The following POMK variants were observed in gnomAD, a reference collection of about 807,000 sequenced individuals.
POMK encodes the protein protein O-mannose kinase.
POMK carries 19 observed loss-of-function variants against 23.0 expected under a neutral mutation model. The ratio of observed to expected loss-of-function variants is 0.83; its 90% CI spans 0.58 to 1.21. POMK has a LOEUF of 1.21. Ranked by LOEUF, POMK falls within the 50% of genes most tolerant of loss-of-function variation. The pLI, the probability that POMK is intolerant of heterozygous loss-of-function variation, is 0.00. For synonymous variants in POMK, 173 were observed against 171.6 expected, an observed-to-expected ratio of 1.01 and a Z score of -0.06; for missense variants, 410 against 431.3, an observed-to-expected ratio of 0.95 and a Z score of 0.44.
intron 4 of POMK, among the ~76,000 whole-genome samples, chr8:43,107,866 A>G (rs1811575771): frequency 6.6e-6 from 1 of 151,838 alleles, no homozygotes; most frequent in Admixed American, 6.6e-5. Context: ...GTATTTTAGT[A>G]AAGACGGGGT....
intron 2 of POMK, among the ~76,000 whole-genome samples, chr8:43,101,906 C>G (rs1180326729): frequency 1.3e-5 from 2 of 152,160 alleles, no homozygotes; most frequent in Non-Finnish European, 1.5e-5. Context: ...CTTGTCCCAG[C>G]TCTGTATATG....
At chr8:43,103,014 A>T (rs1231599744) in intron 3 of POMK, among the ~76,000 whole-genome samples, 3 of 152,084 alleles carry the variant, frequency 2.0e-5, no homozygotes, top group African/African-American at 7.2e-5. Context: ...ACCTTTCATA[A>T]CTGCTGAAGA....
rs1811484332 is a variant in POMK, at chr8:43,103,535, C to T, written c.-14C>T. ...TTTCATTGTGTATTTTAGGAAATTG[C>T]AGAGGCCGTCAACATGGAAAAGCAG... On this transcript the variant is annotated 5_prime_UTR_variant, in exon 4 of 5. Transcript: ENST00000331373. The T allele has an allele frequency of 6.2e-7, 1 of 1,612,806 alleles. No homozygotes were observed. The highest frequency in any genetic ancestry group is 1.1e-5 in the South Asian group (1 of 91,044).
intron 1 of POMK, among the ~76,000 whole-genome samples, chr8:43,094,667 T>C (rs1192159016): frequency 6.6e-6 from 1 of 152,264 alleles, no homozygotes; most frequent in Admixed American, 6.5e-5. Context: ...TACTCTAAAC[T>C]GTATTGGATG....
intron 2 of POMK, among the ~76,000 whole-genome samples, chr8:43,102,089 C>A (rs1370417445): frequency 6.6e-6 from 1 of 152,186 alleles, no homozygotes; most frequent in Non-Finnish European, 1.5e-5. Flanking sequence ...TATCTTTGAA[C>A]CCCCATCACA....
chr8:43,103,767 C>G lies in POMK; in HGVS notation c.219C>G (p.Ser73=), dbSNP rs188920070. 1.1e-4 allele frequency: 178 copies of G among 1,614,216 alleles called. 1 individual carries two copies. Among genetic ancestry groups the G allele is most frequent in the Admixed American group, 3.5e-4 (21 of 60,030 alleles). Residue 73 remains serine (S), a synonymous_variant, in exon 4 of 5, where the codon TCC becomes TCG. Coordinates refer to ENST00000331373, the MANE Select transcript of POMK (RefSeq NM_032237.5). Reference sequence around the variant, plus strand: ...TGAAAAACTGCTCACCTTGGCTGTCCTGCGAGGAGCTGAGAACAGAAGTGA... The same window carrying G: ...TGAAAAACTGCTCACCTTGGCTGTCGTGCGAGGAGCTGAGAACAGAAGTGA... ...GQMKNCSPWL[S]CEELRTEVRQ...
At chr8:43,099,173 A>G (rs1237778952) in intron 2 of POMK, among the ~76,000 whole-genome samples, 4 of 151,934 alleles carry the variant, frequency 2.6e-5, no homozygotes, top group African/African-American at 9.7e-5. Flanking sequence ...CTGGTCTGGA[A>G]CTCCTAGGCT....
chr8:43,122,049 T>C, intron 4 of POMK, 58 bp from the exon 5 acceptor site: 1 of 1,516,482 alleles, frequency 6.6e-7, no homozygotes, highest in East Asian at 2.3e-5. Flanking sequence ...TTTGTTGTTC[T>C]TTGGTCACTA....
intron 4 of POMK, among the ~76,000 whole-genome samples, chr8:43,107,103 A>G (rs1811559207): frequency 6.6e-6 from 1 of 152,156 alleles, no homozygotes; most frequent in African/African-American, 2.4e-5. Flanking sequence ...AAGGTAAATA[A>G]TGAGTTTTAG....
At position 43,122,457 on chromosome 8, in the gene POMK, A is replaced by C. The variant is rs1011002628; in HGVS notation, c.633A>C (p.Thr211=). ...GCGACTCCAACGACCTGCCGAAGAC[A>C]CTGTCCCAGTATCTGCTAACAAGCA... ...VMCDSNDLPK[T]LSQYLLTSNF... Residue 211 remains threonine, a synonymous_variant, in exon 5 of 5, where the codon ACA becomes ACC. Coordinates refer to ENST00000331373, the MANE Select transcript of POMK (RefSeq NM_032237.5). 2 of 1,614,042 alleles carry C rather than the reference A, an allele frequency of 1.2e-6. No individual in the cohort carries two copies. Among genetic ancestry groups the C allele is most frequent in the African/African-American group, 2.7e-5 (2 of 74,936 alleles).
In POMK at chr8:43,103,474, TGAAAG is replaced by T. The variant is rs1359831823; in HGVS notation, c.-21-50_-21-46del. On this transcript the variant is annotated intron_variant, in intron 3 of 4. Coordinates refer to ENST00000331373, the MANE Select transcript of POMK (RefSeq NM_032237.5). ...AGGCATCAGAACACATTTTTGGAAATGAAAGGAAGTGAAAGCTGACTGTCATGACT... is the reference window on the plus strand; with the variant it reads ...AGGCATCAGAACACATTTTTGGAAATGAAGTGAAAGCTGACTGTCATGACT... 27 of 1,554,698 alleles carry T rather than the reference TGAAAG, an allele frequency of 1.7e-5. No individual in the cohort carries two copies. The Middle Eastern group carries it at 5.9e-4, about 34-fold the overall frequency.
intron 4 of POMK, among the ~76,000 whole-genome samples, chr8:43,106,654 C>T (rs537475230): frequency 1.3e-4 from 20 of 151,766 alleles, no homozygotes; most frequent in South Asian, 4.2e-4. Flanking sequence ...GGATTACAGG[C>T]GCCCACCACC....
chr8:43,121,538 A>G (rs982175195), intron 4 of POMK, among the ~76,000 whole-genome samples: 5 of 152,234 alleles, frequency 3.3e-5, no homozygotes. Context: ...ATGATTTACT[A>G]TGCCACCTTT....
rs761639735 is a variant in POMK at position 43,122,566 on chromosome 8, G to C, written c.742G>C (p.Glu248Gln). Residue 248 changes from glutamate to glutamine, a missense_variant, in exon 5 of 5, where the codon GAG becomes CAG. By Grantham distance (29) the Glu-to-Gln change is conservative. Coordinates refer to ENST00000331373, the MANE Select transcript of POMK (RefSeq NM_032237.5). ...GATGCTGGTGAAGTGCGGCCACAGG[G>C]AGCTGCATGGGGATTTCGTGGCTCC... The part of the protein sequence containing the change: ...SGMLVKCGHR[E>Q]LHGDFVAPEQ... 3.3e-5 allele frequency: 54 copies of C among 1,614,084 alleles called. No individual in the cohort carries two copies. The highest frequency in any genetic ancestry group is 4.4e-5 in the Non-Finnish European group (52 of 1,180,050).
In POMK at chr8:43,122,948, G is replaced by T; in HGVS notation, c.*71G>T. ...GTTACAGCATTCTACTCTGATGGTG[G>T]AGTTTTTTGCCTGAGTTTCGTGTTT... On this transcript the variant is annotated 3_prime_UTR_variant, in exon 5 of 5. Coordinates refer to ENST00000331373, the MANE Select transcript of POMK (RefSeq NM_032237.5). 1 of 1,408,994 alleles carries T rather than the reference G, an allele frequency of 7.1e-7. No individual in the cohort carries two copies. The highest frequency in any genetic ancestry group is 2.3e-5 in the East Asian group (1 of 43,616). 87.3% of individuals were successfully genotyped at this position (1,408,994 alleles called of 1,614,324 possible).
chr8:43,094,616 C>T (rs1811295739), intron 1 of POMK, among the ~76,000 whole-genome samples: 2 of 152,294 alleles, frequency 1.3e-5, no homozygotes, highest in Admixed American at 6.5e-5. Context: ...TTAAAATAAT[C>T]CTCTTAATGT....
intron 4 of POMK, 96 bp from the exon 5 acceptor site, chr8:43,122,011 C>T: frequency 3.3e-6 from 4 of 1,214,582 alleles, no homozygotes; most frequent in Non-Finnish European, 4.7e-6. Flanking sequence ...TCTGTATCTT[C>T]TGCAGAACAC....
chr8:43,122,512 G>A lies in POMK; in HGVS notation c.688G>A (p.Ala230Thr), dbSNP rs1018638122. Reference sequence around the variant, plus strand: ...CAGCATTTTGGCAAATGACTTGGACGCCTTACCCCTGGTGAACCACAGCTC... The same window carrying A: ...CAGCATTTTGGCAAATGACTTGGACACCTTACCCCTGGTGAACCACAGCTC... Reference protein sequence around the residue: ...NFSILANDLDALPLVNHSSGM... With the variant: ...NFSILANDLDTLPLVNHSSGM... Residue 230 changes from alanine (A) to threonine (T), a missense_variant, in exon 5 of 5, where the codon GCC becomes ACC. By Grantham distance (58) the Ala-to-Thr change is moderately conservative. Transcript: ENST00000331373. The A allele has an allele frequency of 1.1e-5, 17 of 1,614,004 alleles. No homozygotes were observed. The highest frequency in any genetic ancestry group is 1.0e-5 in the Non-Finnish European group (12 of 1,180,026).
chr8:43,104,075 C>T (rs1438327175), intron 4 of POMK, among the ~76,000 whole-genome samples: 1 of 152,034 alleles, frequency 6.6e-6, no homozygotes, highest in East Asian at 1.9e-4. Flanking sequence ...GTGTTAGGAG[C>T]CCTGCTAGCT....
Sources: allele counts gnomAD v4.1 joint callset (sites outside exome capture counted in the v4.1 genomes callset), GRCh38; gene constraint gnomAD v4.1.1; transcripts MANE v1.5; gene names NCBI Gene and HGNC (gene_info 2026-07-23, HGNC 2026-07-21).